Variants in UBE2G1 observed in about 807,000 individuals in gnomAD.
UBE2G1 encodes the protein ubiquitin-conjugating enzyme E2 G1.
Under a neutral mutation model 22.7 loss-of-function variants are expected in UBE2G1, and 5 were observed. The ratio of observed to expected loss-of-function variants is 0.22; its 90% CI spans 0.12 to 0.46. The LOEUF (loss-of-function observed/expected upper bound fraction) is 0.46, where lower values mean the gene tolerates loss of function less well. Ranked by LOEUF, UBE2G1 falls within the 20% of genes least tolerant of loss-of-function variation. The probability of loss-of-function intolerance (pLI) is 0.99; values close to 1 mark genes in which losing one functional copy is unlikely to be tolerated. For synonymous variants in UBE2G1, 74 were observed against 67.5 expected, an observed-to-expected ratio of 1.10 and a Z score of -0.47; for missense variants, 88 against 203.9, an observed-to-expected ratio of 0.43 and a Z score of 3.46.
rs554061373 is a variant in UBE2G1 at position 4,366,230 on chromosome 17, G to C, written c.46+41C>G. 1,211 of 1,514,324 alleles carry C rather than the reference G, an allele frequency of 8.0e-4. 2 individuals are homozygous for C. The highest frequency in any genetic ancestry group is 1.0e-3 in the Non-Finnish European group (1,140 of 1,140,408). 93.8% of individuals were successfully genotyped at this position (1,514,324 alleles called of 1,614,324 possible). On this transcript the variant is annotated intron_variant, in intron 1 of 5. Coordinates refer to ENST00000396981, the MANE Select transcript of UBE2G1 (RefSeq NM_003342.5). Reference sequence around the variant, plus strand: ...GAGGGACTGGGCTGCGGCTGTCCGCGATCGCGGCCGGGCCCGGCGCCCCGC... The same window carrying C: ...GAGGGACTGGGCTGCGGCTGTCCGCCATCGCGGCCGGGCCCGGCGCCCCGC...
intron 1 of UBE2G1, among the ~76,000 whole-genome samples, chr17:4,336,285 C>T (rs931663591): frequency 6.6e-6 from 1 of 152,082 alleles, no homozygotes; most frequent in Non-Finnish European, 1.5e-5. Context: ...TCAAGACTAA[C>T]CTTTATCCAA....
chr17:4,355,485 T>C (rs1160507962), intron 1 of UBE2G1, among the ~76,000 whole-genome samples: 1 of 147,462 alleles, frequency 6.8e-6, no homozygotes, highest in Non-Finnish European at 1.5e-5. Context: ...CTACTAAAAA[T>C]ACAAAAATTA....
At chr17:4,323,002 A>G (rs567282911) in intron 1 of UBE2G1, among the ~76,000 whole-genome samples, 4 of 152,362 alleles carry the variant, frequency 2.6e-5, no homozygotes, top group Admixed American at 1.3e-4. Context: ...GTTTAAGAAC[A>G]GTACATAAAT....
At chr17:4,330,175 C>T (rs1337355968) in intron 1 of UBE2G1, among the ~76,000 whole-genome samples, 1 of 151,880 alleles carries the variant, frequency 6.6e-6, no homozygotes, top group Non-Finnish European at 1.5e-5. Flanking sequence ...AATTTAACAC[C>T]ATCTATAGTA....
chr17:4,276,511 A>G (rs1382943253), intron 5 of UBE2G1, among the ~76,000 whole-genome samples: 2 of 152,096 alleles, frequency 1.3e-5, no homozygotes, highest in East Asian at 3.8e-4. Flanking sequence ...TGCTTGGTCT[A>G]CCTGGCTAGG....
chr17:4,351,963 T>C (rs531357779), intron 1 of UBE2G1, among the ~76,000 whole-genome samples: 1 of 152,224 alleles, frequency 6.6e-6, no homozygotes, highest in East Asian at 1.9e-4. Flanking sequence ...CAGTGTGCAG[T>C]GGTATAAAAT....
At chr17:4,280,879 C>T (rs913401260) in intron 5 of UBE2G1, among the ~76,000 whole-genome samples, 3 of 152,028 alleles carry the variant, frequency 2.0e-5, no homozygotes, top group African/African-American at 7.2e-5. Context: ...GTGATCCACC[C>T]GCCTCGGCCT....
chr17:4,278,222 A>T (rs911349185), intron 5 of UBE2G1, among the ~76,000 whole-genome samples: 1 of 152,256 alleles, frequency 6.6e-6, no homozygotes, highest in South Asian at 2.1e-4. Flanking sequence ...TTTCCATGGT[A>T]TAAAGCCTTA....
chr17:4,322,169 A>G (rs1303546611), intron 1 of UBE2G1, among the ~76,000 whole-genome samples: 1 of 152,256 alleles, frequency 6.6e-6, no homozygotes, highest in Non-Finnish European at 1.5e-5. Flanking sequence ...AAGATGTTCT[A>G]CTCACAAACA....
intron 1 of UBE2G1, among the ~76,000 whole-genome samples, chr17:4,352,087 G>T (rs931124704): frequency 2.0e-5 from 3 of 152,048 alleles, no homozygotes; most frequent in Non-Finnish European, 4.4e-5. Context: ...GTGAAACTCC[G>T]TCTTTTAAAT....
intron 3 of UBE2G1, 121 bp downstream of exon 3, chr17:4,296,596 T>C (rs1969115428): frequency 1.0e-6 from 1 of 986,860 alleles, no homozygotes; most frequent in African/African-American, 1.6e-5. Context: ...ATGTGCACAA[T>C]GAACAGTACA....
At chr17:4,350,379 A>T (rs1007006991) in intron 1 of UBE2G1, among the ~76,000 whole-genome samples, 10 of 152,002 alleles carry the variant, frequency 6.6e-5, no homozygotes, top group African/African-American at 2.4e-4. Context: ...GAATTGCTTG[A>T]ACCTGGGAGG....
chr17:4,365,284 G>T (rs893143902), intron 1 of UBE2G1, among the ~76,000 whole-genome samples: 1 of 152,220 alleles, frequency 6.6e-6, no homozygotes. Context: ...CTGGCAGCAC[G>T]TGGGGCTGCA....
At chr17:4,284,961 T>G (rs1968945491) in intron 4 of UBE2G1, among the ~76,000 whole-genome samples, 2 of 149,042 alleles carry the variant, frequency 1.3e-5, no homozygotes, top group Admixed American at 1.4e-4. Context: ...ATCCCCCACC[T>G]CAGCCTCCGA....
intron 1 of UBE2G1, among the ~76,000 whole-genome samples, chr17:4,335,691 C>T (rs1053152032): frequency 8.5e-5 from 13 of 152,092 alleles, no homozygotes; most frequent in African/African-American, 2.2e-4. Flanking sequence ...ATCAATGGTA[C>T]GTCATAGTTT....
At position 4,273,828 on chromosome 17, in the gene UBE2G1, A is replaced by C. The variant is rs1052125172; in HGVS notation, c.*38-1312T>G. Among the ~76,000 whole-genome samples the C allele has an allele frequency of 2.0e-5, 3 of 152,216 alleles. No individual in the cohort carries two copies. In the East Asian group the frequency reaches 5.8e-4, roughly 29 times the overall value. On this transcript the variant is annotated intron_variant, in intron 5 of 5. Transcript: ENST00000396981. ...AAACTCTGAATCCATTGCCATGCAC[A>C]ATTTTGGGCAAAAGAAACAGAAGAT... is the stretch of plus-strand genomic sequence containing the variant.
chr17:4,363,508 C>A (rs1349025012), intron 1 of UBE2G1, among the ~76,000 whole-genome samples: 1 of 152,098 alleles, frequency 6.6e-6, no homozygotes, highest in Non-Finnish European at 1.5e-5. Context: ...CAAAACGGAA[C>A]CAGATGACCA....
At chr17:4,301,854 T>C (rs944523023) in intron 2 of UBE2G1, 4 of 504,558 alleles carry the variant, frequency 7.9e-6, no homozygotes, top group African/African-American at 3.9e-5. Context: ...ACGGTAAACA[T>C]GAACTTCGTG....
chr17:4,350,958 G>A lies in UBE2G1; in HGVS notation c.46+15313C>T, dbSNP rs530348170. Among the ~76,000 whole-genome samples the A allele has an allele frequency of 5.3e-5, 8 of 150,468 alleles. No homozygotes were observed. In the South Asian group the frequency reaches 6.3e-4, roughly 12 times the overall value. On this transcript the variant is annotated intron_variant, in intron 1 of 5. Transcript: ENST00000396981. Reference sequence around the variant, plus strand: ...TGAGGCAGGAGAATGGCGTGAACTCGGGAGGCAGAGCTTGCAGTGACCCGA... The same window carrying A: ...TGAGGCAGGAGAATGGCGTGAACTCAGGAGGCAGAGCTTGCAGTGACCCGA...
Sources: gnomAD v4.1 joint callset for allele counts (sites outside exome capture counted in the v4.1 genomes callset) on GRCh38, gnomAD v4.1.1 for gene constraint, MANE v1.5 for transcripts, NCBI Gene and HGNC (gene_info 2026-07-23, HGNC 2026-07-21) for gene names.